Variants in CDH13 observed in about 807,000 individuals in gnomAD.
The protein encoded by CDH13 is cadherin 13, also known as cadherin-13.
A neutral mutation model predicts 63.8 loss-of-function variants in CDH13; 24 were observed. The ratio of observed to expected loss-of-function variants is 0.38; its 90% CI spans 0.27 to 0.53. CDH13 has a LOEUF of 0.53. Ranked by LOEUF, CDH13 falls within the 20% of genes least tolerant of loss-of-function variation. The pLI is 0.85. For missense variants in CDH13, 1,049 were observed against 903.1 expected (o/e 1.16, Z -2.07); for synonymous variants, 503 against 355.3 (o/e 1.42, Z -4.67).
At chr16:82,659,910 CCA>C (rs898772833) in intron 1 of CDH13, among the ~76,000 whole-genome samples, 28 of 152,188 alleles carry the variant, frequency 1.8e-4, no homozygotes, top group Middle Eastern at 3.4e-3. Context: ...AAAAATGTCT[CCA>C]GACATTGTCA....
chr16:83,759,626 A>G (rs903202542), intron 11 of CDH13, among the ~76,000 whole-genome samples: 2 of 152,192 alleles, frequency 1.3e-5, no homozygotes, highest in Non-Finnish European at 2.9e-5. Flanking sequence ...GATATTTATA[A>G]TACAAAGAAA....
chr16:83,619,842 G>T (rs555015434), intron 8 of CDH13, among the ~76,000 whole-genome samples: 1 of 152,206 alleles, frequency 6.6e-6, no homozygotes, highest in Non-Finnish European at 1.5e-5. Context: ...GTATCCTTAG[G>T]GGGAGACACA....
chr16:83,562,083 C>A (rs776457378), intron 7 of CDH13, among the ~76,000 whole-genome samples: 23 of 152,158 alleles, frequency 1.5e-4, no homozygotes, highest in Non-Finnish European at 3.2e-4. Context: ...CAAGTGTCTT[C>A]CACAGTTTAG....
intron 3 of CDH13, among the ~76,000 whole-genome samples, chr16:83,098,684 A>G (rs759300281): frequency 1.3e-5 from 2 of 152,202 alleles, no homozygotes; most frequent in Non-Finnish European, 2.9e-5. Context: ...TCACTCCATT[A>G]TCTTCTGACT....
intron 1 of CDH13, among the ~76,000 whole-genome samples, chr16:82,734,216 A>G (rs1409901981): frequency 6.6e-6 from 1 of 152,208 alleles, no homozygotes; most frequent in Non-Finnish European, 1.5e-5. Context: ...AGCCAGGCCC[A>G]TTAGTTTATG....
At chr16:82,789,305 G>A (rs528723575) in intron 1 of CDH13, among the ~76,000 whole-genome samples, 10 of 152,118 alleles carry the variant, frequency 6.6e-5, no homozygotes, top group Non-Finnish European at 1.2e-4. Context: ...CCTTAAGCTC[G>A]GAGTTAAAAA....
chr16:83,186,344 GGC>G (rs1400251621), intron 4 of CDH13, among the ~76,000 whole-genome samples: 1 of 151,670 alleles, frequency 6.6e-6, no homozygotes. Context: ...TCACCATATT[GGC>G]CAGGAGGGTC....
intron 1 of CDH13, chr16:82,826,432 A>T (rs986093862): frequency 6.6e-6 from 1 of 152,206 alleles, no homozygotes; most frequent in Non-Finnish European, 1.5e-5. Context: ...TTCAATCCCA[A>T]ACTTGAAGCA....
At chr16:83,495,646 T>TAA (rs1160005314) in intron 7 of CDH13, among the ~76,000 whole-genome samples, 1 of 152,216 alleles carries the variant, frequency 6.6e-6, no homozygotes, top group Non-Finnish European at 1.5e-5. Context: ...TATTTGGGGT[T>TAA]AAAATATTTT....
At chr16:83,327,959 C>T (rs1182205627) in intron 5 of CDH13, among the ~76,000 whole-genome samples, 3 of 151,978 alleles carry the variant, frequency 2.0e-5, no homozygotes, top group East Asian at 1.9e-4. Context: ...AGTGAAACCC[C>T]GTCTCTACTG....
At chr16:83,110,697 C>G (rs1010937034) in intron 3 of CDH13, among the ~76,000 whole-genome samples, 64 of 152,152 alleles carry the variant, frequency 4.2e-4, no homozygotes, top group African/African-American at 1.5e-3. Flanking sequence ...AAGTACATTT[C>G]CAACTCAGAC....
At chr16:82,759,200 G>T (rs2034735792) in intron 1 of CDH13, among the ~76,000 whole-genome samples, 1 of 152,108 alleles carries the variant, frequency 6.6e-6, no homozygotes, top group South Asian at 2.1e-4. Flanking sequence ...GTCCCCACTG[G>T]GAGTGAGCAG....
intron 2 of CDH13, among the ~76,000 whole-genome samples, chr16:83,020,632 G>A (rs1264911295): frequency 1.3e-5 from 2 of 152,204 alleles, no homozygotes; most frequent in Non-Finnish European, 2.9e-5. Flanking sequence ...TGTGTATGTA[G>A]CTTTCTTTTC....
chr16:83,757,660 G>A (rs11864540), intron 11 of CDH13, among the ~76,000 whole-genome samples: 13,422 of 151,874 alleles, frequency 0.088, 1,021 homozygotes, highest in African/African-American at 0.2. Context: ...AACTCATATC[G>A]AAACTGTTGG....
At chr16:83,633,254 G>C (rs1910942956) in intron 8 of CDH13, among the ~76,000 whole-genome samples, 1 of 152,116 alleles carries the variant, frequency 6.6e-6, no homozygotes, top group Non-Finnish European at 1.5e-5. Context: ...ATTCAAGATG[G>C]AGTTGCTCTG....
chr16:83,007,687 G>C (rs979947417), intron 2 of CDH13, among the ~76,000 whole-genome samples: 53 of 151,908 alleles, frequency 3.5e-4, no homozygotes, highest in African/African-American at 1.3e-3. Flanking sequence ...AGCTGGGCAG[G>C]GTGGCTTGTG....
intron 11 of CDH13, among the ~76,000 whole-genome samples, chr16:83,763,995 A>T (rs973960205): frequency 3.3e-5 from 5 of 152,088 alleles, no homozygotes; most frequent in African/African-American, 1.2e-4. Flanking sequence ...TCTCAGCCTC[A>T]ATTTCCCCAC....
intron 8 of CDH13, among the ~76,000 whole-genome samples, chr16:83,657,570 C>G (rs1159034886): frequency 2.0e-5 from 3 of 152,178 alleles, no homozygotes; most frequent in Non-Finnish European, 4.4e-5. Flanking sequence ...GAACAGCCCA[C>G]CTTCCTCTGC....
At chr16:83,335,692 A>G (rs1013627837) in intron 5 of CDH13, among the ~76,000 whole-genome samples, 4 of 152,284 alleles carry the variant, frequency 2.6e-5, no homozygotes, top group Middle Eastern at 3.4e-3. Context: ...TATGTTATCT[A>G]TAGGTTACAG....
Sources: allele counts gnomAD v4.1 joint callset (sites outside exome capture counted in the v4.1 genomes callset), GRCh38; gene constraint gnomAD v4.1.1; transcripts MANE v1.5; gene names NCBI Gene and HGNC (gene_info 2026-07-23, HGNC 2026-07-21).